The following NR1H4 variants were observed in gnomAD, a reference collection of about 807,000 sequenced individuals.
The protein encoded by NR1H4 is nuclear receptor subfamily 1 group H member 4, also known as bile acid receptor.
NR1H4 carries 23 observed loss-of-function variants against 58.5 expected under a neutral mutation model. That is an observed-to-expected ratio of 0.39 (90% CI 0.28 to 0.56). The LOEUF (loss-of-function observed/expected upper bound fraction) is 0.56. NR1H4 is among the 20% of genes least tolerant of loss of function. NR1H4 has a pLI of 0.58. For missense variants in NR1H4, 487 were observed against 576.9 expected (o/e 0.84, Z 1.60); for synonymous variants, 214 against 198.0 (o/e 1.08, Z -0.68).
At chr12:100,499,238 C>A (rs1385260065) in intron 3 of NR1H4, among the ~76,000 whole-genome samples, 1 of 152,218 alleles carries the variant, frequency 6.6e-6, no homozygotes, top group Non-Finnish European at 1.5e-5. Context: ...ATTTTTCCAT[C>A]TCACTGAGTT....
chr12:100,515,057 C>T lies in NR1H4; in HGVS notation c.445+3914C>T, dbSNP rs1037297027. ...CAATTCTCCACTGCTTTTCTCTCTT[C>T]GAAGAATTGATTCAACCAAACCTTT... On this transcript the variant is annotated intron_variant, in intron 4 of 10. Coordinates refer to ENST00000392986, the MANE Select transcript of NR1H4 (RefSeq NM_001206979.2). 3.6e-4 allele frequency among the ~76,000 whole-genome samples: 55 copies of T among 151,736 alleles called. 1 individual carries two copies. Among genetic ancestry groups the T allele is most frequent in the Admixed American group, 3.6e-3 (55 of 15,198 alleles).
intron 9 of NR1H4, among the ~76,000 whole-genome samples, chr12:100,551,002 C>G (rs749155669): frequency 1.3e-5 from 2 of 152,142 alleles, no homozygotes; most frequent in Non-Finnish European, 2.9e-5. Context: ...CAAGTTCATA[C>G]AGCTAATCAA....
intron 3 of NR1H4, chr12:100,499,885 A>G: frequency 2.2e-6 from 1 of 456,050 alleles, no homozygotes; most frequent in Non-Finnish European, 4.4e-6. Flanking sequence ...TCTGCCATCT[A>G]CTACCCTGTG....
chr12:100,474,718 T>G (rs1367535347), intron 1 of NR1H4, among the ~76,000 whole-genome samples: 1 of 152,206 alleles, frequency 6.6e-6, no homozygotes, highest in Admixed American at 6.5e-5. Context: ...CCTCTTTGTC[T>G]CCTTATTGAC....
chr12:100,504,018 G>A (rs1446968415), intron 3 of NR1H4, among the ~76,000 whole-genome samples: 6 of 151,948 alleles, frequency 3.9e-5, no homozygotes, highest in East Asian at 3.9e-4. Context: ...AAGTATGTAC[G>A]AGGGATATGA....
At chr12:100,474,542 A>T (rs1228172694) in intron 1 of NR1H4, among the ~76,000 whole-genome samples, 1 of 152,208 alleles carries the variant, frequency 6.6e-6, no homozygotes, top group African/African-American at 2.4e-5. Context: ...AGGTGGAAAA[A>T]GTCTTCTTTC....
chr12:100,541,873 A>G (rs896170605), intron 9 of NR1H4, among the ~76,000 whole-genome samples: 3 of 152,140 alleles, frequency 2.0e-5, no homozygotes, highest in Non-Finnish European at 4.4e-5. Flanking sequence ...CTAGGATTAA[A>G]GGCATGAGCC....
intron 4 of NR1H4, among the ~76,000 whole-genome samples, chr12:100,528,508 T>A (rs961478717): frequency 2.0e-5 from 3 of 152,210 alleles, no homozygotes; most frequent in African/African-American, 7.2e-5. Flanking sequence ...CAGATGGCAA[T>A]GCCAACCCTG....
At chr12:100,532,639 T>TA (rs747569148) in intron 5 of NR1H4, 29 bp downstream of exon 5, 7 of 1,606,572 alleles carry the variant, frequency 4.4e-6, no homozygotes, top group Non-Finnish European at 6.0e-6. Context: ...TACATTTCAC[T>TA]AAAAATCTCT....
intron 9 of NR1H4, among the ~76,000 whole-genome samples, chr12:100,557,044 T>C (rs1450198895): frequency 1.3e-5 from 2 of 152,236 alleles, no homozygotes; most frequent in Non-Finnish European, 2.9e-5. Flanking sequence ...CATTTTATTT[T>C]AGATTCAGGA....
intron 3 of NR1H4, among the ~76,000 whole-genome samples, chr12:100,497,048 G>A (rs763414576): frequency 1.3e-5 from 2 of 152,100 alleles, no homozygotes; most frequent in Admixed American, 6.5e-5. Flanking sequence ...GGGAGTGGGC[G>A]ATGCAACAGG....
chr12:100,481,693 T>A (rs1953384512), intron 1 of NR1H4, among the ~76,000 whole-genome samples: 1 of 152,010 alleles, frequency 6.6e-6, no homozygotes, highest in African/African-American at 2.4e-5. Flanking sequence ...AGCTGGCAGA[T>A]CATGAGGTCA....
intron 10 of NR1H4, among the ~76,000 whole-genome samples, chr12:100,562,828 A>G (rs185580248): frequency 1.3e-4 from 20 of 152,302 alleles, no homozygotes; most frequent in African/African-American, 3.6e-4. Context: ...ATTTTTATAC[A>G]TTATCTTGAG....
At chr12:100,541,247 T>C (rs1184266609) in intron 9 of NR1H4, among the ~76,000 whole-genome samples, 1 of 152,088 alleles carries the variant, frequency 6.6e-6, no homozygotes. Flanking sequence ...TTATATGTCA[T>C]TTACTAGGTC....
At position 100,561,871 on chromosome 12, in the gene NR1H4, A is replaced by G; in HGVS notation, c.1079-14A>G. 1.9e-6 allele frequency: 2 copies of G among 1,043,214 alleles called. No individual in the cohort carries two copies. The highest frequency in any genetic ancestry group is 3.0e-6 in the Non-Finnish European group (2 of 659,716). 64.6% of individuals were successfully genotyped at this position (1,043,214 alleles called of 1,614,324 possible). A position where few individuals can be genotyped will look rare whatever the true frequency, so the allele number is the denominator to read the frequency against. ...ACTCAAAAATTGTATTATGATTGCAACTTTCCCCCACAGGTATCTCTGATG... is the reference window on the plus strand; with the variant it reads ...ACTCAAAAATTGTATTATGATTGCAGCTTTCCCCCACAGGTATCTCTGATG... On this transcript the variant is annotated splice_polypyrimidine_tract_variant and intron_variant, in intron 9 of 10. Coordinates refer to ENST00000392986, the MANE Select transcript of NR1H4 (RefSeq NM_001206979.2).
At chr12:100,508,437 G>A (rs919642390) in intron 3 of NR1H4, among the ~76,000 whole-genome samples, 13 of 152,100 alleles carry the variant, frequency 8.5e-5, no homozygotes, top group African/African-American at 3.1e-4. Flanking sequence ...GATGCAGAGA[G>A]GGGCTTTGAA....
intron 10 of NR1H4, 151 bp from the exon 11 acceptor site, chr12:100,563,100 C>A: frequency 1.5e-6 from 1 of 666,456 alleles, no homozygotes; most frequent in Non-Finnish European, 2.6e-6. Flanking sequence ...CGTGTGTGTG[C>A]ATAAAAATTC....
intron 4 of NR1H4, among the ~76,000 whole-genome samples, chr12:100,516,691 G>C (rs1954276404): frequency 6.6e-6 from 1 of 152,098 alleles, no homozygotes; most frequent in Non-Finnish European, 1.5e-5. Context: ...CTTATGGTAG[G>C]CATTTTGGAA....
intron 9 of NR1H4, among the ~76,000 whole-genome samples, chr12:100,541,495 T>G (rs1272371293): frequency 1.3e-5 from 2 of 152,130 alleles, no homozygotes; most frequent in Non-Finnish European, 2.9e-5. Flanking sequence ...TTTCCCGAGC[T>G]GGTCTCAAAC....
Sources: allele counts gnomAD v4.1 joint callset (sites outside exome capture counted in the v4.1 genomes callset), GRCh38; gene constraint gnomAD v4.1.1; transcripts MANE v1.5; gene names NCBI Gene and HGNC (gene_info 2026-07-23, HGNC 2026-07-21).